Variants in MKNK1 observed in about 807,000 individuals in gnomAD.
The protein encoded by MKNK1 is MAPK interacting serine/threonine kinase 1.
In MKNK1, 30 loss-of-function variants were observed where a neutral mutation model predicts 49.3. That is an observed-to-expected ratio of 0.61 (90% CI 0.46 to 0.83). MKNK1 has a LOEUF of 0.83. Among genes scored for constraint, MKNK1 ranks in the 40% least tolerant of loss-of-function variants. The probability of loss-of-function intolerance (pLI) is 0.00; values close to 1 mark genes in which losing one functional copy is unlikely to be tolerated. For synonymous variants in MKNK1, 176 were observed against 201.7 expected, an observed-to-expected ratio of 0.87 and a Z score of 1.08; for missense variants, 423 against 524.7, an observed-to-expected ratio of 0.81 and a Z score of 1.89.
intron 1 of MKNK1, among the ~76,000 whole-genome samples, chr1:46,602,137 C>T (rs1192062794): frequency 6.6e-6 from 1 of 152,132 alleles, no homozygotes; most frequent in Admixed American, 6.5e-5. Context: ...TTTGGCCGGG[C>T]ACGTTGGCTC....
Position 46,562,344 on chromosome 1 carries a change from C to T in MKNK1, c.804+305G>A, listed in dbSNP as rs576741733. ...CCAGGAGGCAGAGGTTGCAGTGAGT[C>T]GAGATCGTGCCATTGCACTCCAGCC... On this transcript the variant is annotated intron_variant, in intron 10 of 12. Coordinates refer to ENST00000371945, the MANE Select transcript of MKNK1 (RefSeq NM_001135553.4). Among the ~76,000 whole-genome samples, 11 of 130,942 alleles carry T rather than the reference C, an allele frequency of 8.4e-5. No individual in the cohort carries two copies. The South Asian group carries it at 2.3e-3, about 27-fold the overall frequency. 85.9% of individuals were successfully genotyped at this position (130,942 alleles called of 152,430 possible). A position where few individuals can be genotyped will look rare whatever the true frequency, so the allele number is the denominator to read the frequency against.
At chr1:46,601,512 T>C (rs1674727851) in intron 1 of MKNK1, among the ~76,000 whole-genome samples, 1 of 152,212 alleles carries the variant, frequency 6.6e-6, no homozygotes, top group African/African-American at 2.4e-5. Context: ...CCAGTGCAGG[T>C]CTCTGAACAC....
chr1:46,583,029 G>A, intron 3 of MKNK1, 199 bp downstream of exon 3: 1 of 679,392 alleles, frequency 1.5e-6, no homozygotes, highest in Non-Finnish European at 2.7e-6. Context: ...TGCATCATCT[G>A]AGAGCTTTTT....
intron 1 of MKNK1, among the ~76,000 whole-genome samples, chr1:46,596,650 A>G (rs531806891): frequency 1.4e-4 from 21 of 152,338 alleles, no homozygotes; most frequent in African/African-American, 4.3e-4. Flanking sequence ...TACTACCATC[A>G]TCTATAAAAT....
intron 8 of MKNK1, 85 bp from the exon 9 acceptor site, chr1:46,565,221 C>T (rs1668853595): frequency 1.6e-6 from 2 of 1,244,424 alleles, no homozygotes; most frequent in Non-Finnish European, 2.4e-6. Flanking sequence ...GGGTGCATGG[C>T]TCCGTGGCTG....
chr1:46,569,506 G>A (rs1375905574), intron 7 of MKNK1: 7 of 152,216 alleles, frequency 4.6e-5, no homozygotes, highest in Non-Finnish European at 1.0e-4. Flanking sequence ...AGCTACAGTT[G>A]GAAGTATTGG....
Position 46,583,365 on chromosome 1 carries a change from T to C in MKNK1, c.-2-36A>G, listed in dbSNP as rs747255239. The C allele has an allele frequency of 2.7e-6, 4 of 1,493,552 alleles. No individual in the cohort carries two copies. The South Asian group carries it at 3.5e-5, about 13-fold the overall frequency. The allele number at this position is 1,493,552 out of a possible 1,614,324, so 92.5% of individuals were successfully genotyped here. A position where few individuals can be genotyped will look rare whatever the true frequency, so the allele number is the denominator to read the frequency against. ...AGAGGAGATGTAAGGGAAACATCACTGTACTGATCAAGCTGTAAATTTACC... is the reference window on the plus strand; with the variant it reads ...AGAGGAGATGTAAGGGAAACATCACCGTACTGATCAAGCTGTAAATTTACC... On this transcript the variant is annotated intron_variant, in intron 2 of 12. Coordinates refer to ENST00000371945, the MANE Select transcript of MKNK1 (RefSeq NM_001135553.4).
At chr1:46,564,044 CAAAA>C (rs1217205121) in intron 9 of MKNK1, among the ~76,000 whole-genome samples, 8 of 39,086 alleles carry the variant, frequency 2.0e-4, no homozygotes, top group Admixed American at 1.1e-3. Flanking sequence ...GACTCTGTCT[CAAAA>C]AAAAAAAAAA....
At chr1:46,583,603 C>T (rs919891505) in intron 2 of MKNK1, among the ~76,000 whole-genome samples, 2 of 152,146 alleles carry the variant, frequency 1.3e-5, no homozygotes, top group African/African-American at 2.4e-5. Flanking sequence ...AGCTCATTAG[C>T]GCGTGGATTT....
intron 6 of MKNK1, chr1:46,574,730 AT>A: frequency 1.9e-6 from 1 of 528,116 alleles, no homozygotes. Context: ...ATGAAAAGGC[AT>A]TTATAAAATA....
chr1:46,571,598 AT>A, intron 7 of MKNK1: 1 of 399,802 alleles, frequency 2.5e-6, no homozygotes, highest in South Asian at 1.9e-5. Flanking sequence ...TGAACAAGAT[AT>A]ATTAAACTAC....
intron 3 of MKNK1, 89 bp from the exon 4 acceptor site, chr1:46,580,716 G>C: frequency 1.1e-6 from 1 of 877,808 alleles, no homozygotes; most frequent in East Asian, 2.5e-5. Flanking sequence ...CAGCTTCCCT[G>C]ATCAGACGAC....
intron 4 of MKNK1, among the ~76,000 whole-genome samples, chr1:46,578,259 G>T (rs372963649): frequency 6.6e-6 from 1 of 152,168 alleles, no homozygotes. Context: ...TCCCAACCTT[G>T]AGAGTCTAGG....
chr1:46,570,068 A>C (rs1162004341), intron 7 of MKNK1: 1 of 152,226 alleles, frequency 6.6e-6, no homozygotes, highest in Non-Finnish European at 1.5e-5. Flanking sequence ...CCCCGTGTGA[A>C]GTTATTTAGC....
At chr1:46,602,012 T>C (rs2148787650) in intron 1 of MKNK1, among the ~76,000 whole-genome samples, 1 of 152,194 alleles carries the variant, frequency 6.6e-6, no homozygotes, top group Non-Finnish European at 1.5e-5. Flanking sequence ...GGAGGCCACA[T>C]GAGATGTAAG....
intron 10 of MKNK1, among the ~76,000 whole-genome samples, chr1:46,562,043 G>A (rs1250736334): frequency 6.6e-6 from 1 of 152,120 alleles, no homozygotes. Context: ...CTATGCCCGT[G>A]CTGTTCCTTC....
At chr1:46,564,976 G>T in intron 9 of MKNK1, 65 bp downstream of exon 9, 1 of 1,480,988 alleles carries the variant, frequency 6.8e-7, no homozygotes, top group Non-Finnish European at 9.4e-7. Flanking sequence ...CTCTGTTCTG[G>T]ACCTCCCAGC....
chr1:46,574,904 G>T, intron 6 of MKNK1, 43 bp downstream of exon 6: 1 of 1,290,916 alleles, frequency 7.7e-7, no homozygotes, highest in Non-Finnish European at 1.1e-6. Context: ...TCACCACCCT[G>T]GGTCTTAATC....
intron 5 of MKNK1, chr1:46,576,264 C>A: frequency 3.2e-6 from 1 of 313,696 alleles, no homozygotes; most frequent in South Asian, 3.5e-5. Context: ...ACTCAGTCAA[C>A]CTAGTTTCCA....
Sources: gnomAD v4.1 joint callset for allele counts (sites outside exome capture counted in the v4.1 genomes callset) on GRCh38, gnomAD v4.1.1 for gene constraint, MANE v1.5 for transcripts, NCBI Gene and HGNC (gene_info 2026-07-23, HGNC 2026-07-21) for gene names.